Variants in GRM7 observed in about 807,000 individuals in gnomAD.
The protein encoded by GRM7 is glutamate metabotropic receptor 7.
A neutral mutation model predicts 84.5 loss-of-function variants in GRM7; 35 were observed. That is an observed-to-expected ratio of 0.41 (90% CI 0.32 to 0.55). GRM7 has a LOEUF of 0.55. Among genes scored for constraint, GRM7 ranks in the 20% least tolerant of loss-of-function variants. The pLI, the probability that GRM7 is intolerant of heterozygous loss-of-function variation, is 0.19. For synonymous variants in GRM7, 487 were observed against 455.1 expected, an observed-to-expected ratio of 1.07 and a Z score of -0.89; for missense variants, 1,003 against 1,194.6, an observed-to-expected ratio of 0.84 and a Z score of 2.36.
chr3:7,030,686 C>T (rs17046634), intron 1 of GRM7, among the ~76,000 whole-genome samples: 4,462 of 152,058 alleles, frequency 0.029, 240 homozygotes, highest in African/African-American at 0.1. Flanking sequence ...AGAATGCATT[C>T]GTTTGGTGTC....
At chr3:7,093,010 A>G (rs548288673) in intron 1 of GRM7, among the ~76,000 whole-genome samples, 15 of 152,180 alleles carry the variant, frequency 9.9e-5, no homozygotes, top group Non-Finnish European at 1.9e-4. Flanking sequence ...TTGAGCCCAG[A>G]AAGTTAAGGC....
rs1007596071 is a variant in GRM7 at position 6,931,290 on chromosome 3, C to T, written c.519+69383C>T. On this transcript the variant is annotated intron_variant, in intron 1 of 9. Coordinates refer to ENST00000357716, the MANE Select transcript of GRM7 (RefSeq NM_000844.4). The stretch of plus-strand genomic sequence containing the variant: ...TTTGTCTAGCCATAGTGGAGAATGC[C>T]GTGACTTACTAGCAATGTCTGCCCT... Among the ~76,000 whole-genome samples, 83 of 152,094 alleles carry T rather than the reference C, an allele frequency of 5.5e-4. 2 individuals carry two copies. The highest frequency in any genetic ancestry group is 2.1e-4 in the South Asian group (1 of 4,816).
intron 9 of GRM7, among the ~76,000 whole-genome samples, chr3:7,715,913 C>A (rs543503006): frequency 6.6e-6 from 1 of 152,152 alleles, no homozygotes; most frequent in East Asian, 1.9e-4. Context: ...CTGCTCATTT[C>A]CACCTCCTCC....
chr3:7,248,017 G>A (rs903554746), intron 2 of GRM7, among the ~76,000 whole-genome samples: 7 of 152,102 alleles, frequency 4.6e-5, no homozygotes, highest in South Asian at 2.1e-4. Context: ...TACACTTTAC[G>A]GGTGAGAGTG....
At chr3:7,683,396 T>TA (rs1700454939) in intron 9 of GRM7, among the ~76,000 whole-genome samples, 1 of 152,160 alleles carries the variant, frequency 6.6e-6, no homozygotes, top group African/African-American at 2.4e-5. Flanking sequence ...TAAAATAAAA[T>TA]AGAGTCTTTT....
intron 8 of GRM7, among the ~76,000 whole-genome samples, chr3:7,582,353 A>G (rs36104199): frequency 0.092 from 14,005 of 152,178 alleles, 735 homozygotes; most frequent in African/African-American, 0.14. Flanking sequence ...GTTATTGCCT[A>G]AAGAGCTTTC....
At chr3:7,260,672 A>AC (rs1394482268) in intron 2 of GRM7, among the ~76,000 whole-genome samples, 1 of 43,296 alleles carries the variant, frequency 2.3e-5, no homozygotes, top group Non-Finnish European at 5.5e-5. Context: ...GTTCTTTTGA[A>AC]TTGTGTGTGT....
At chr3:7,482,907 C>T (rs1575402326) in intron 7 of GRM7, among the ~76,000 whole-genome samples, 1 of 152,068 alleles carries the variant, frequency 6.6e-6, no homozygotes, top group Admixed American at 6.6e-5. Flanking sequence ...AAATAAATTC[C>T]ACATTCCTTG....
In GRM7 at chr3:7,000,487, G is replaced by A. The variant is rs74546869; in HGVS notation, c.519+138580G>A. On this transcript the variant is annotated intron_variant, in intron 1 of 9. Transcript: ENST00000357716. The stretch of plus-strand genomic sequence containing the variant: ...CAGGCATGAGCCACCTCGCCCGGGC[G>A]AGCATGTGACATTTTTAAAAAGCAC... Among the ~76,000 whole-genome samples, 1,028 of 152,054 alleles carry A rather than the reference G, an allele frequency of 6.8e-3. 10 individuals are homozygous for A. The highest frequency in any genetic ancestry group is 0.023 in the African/African-American group (971 of 41,496).
At chr3:6,927,421 C>A (rs1266231094) in intron 1 of GRM7, among the ~76,000 whole-genome samples, 2 of 139,720 alleles carry the variant, frequency 1.4e-5, no homozygotes, top group African/African-American at 5.3e-5. Context: ...GAGCTAGACT[C>A]TTGTCAGAAA....
chr3:7,392,287 C>T (rs1326277289), intron 4 of GRM7, among the ~76,000 whole-genome samples: 1 of 152,206 alleles, frequency 6.6e-6, no homozygotes, highest in Non-Finnish European at 1.5e-5. Context: ...ACAGAAGAAA[C>T]CTTGGCTTCA....
At chr3:6,918,483 A>G (rs1378304059) in intron 1 of GRM7, among the ~76,000 whole-genome samples, 2 of 152,208 alleles carry the variant, frequency 1.3e-5, no homozygotes, top group African/African-American at 4.8e-5. Flanking sequence ...TCCCAGCTCC[A>G]TCACTTACTA....
chr3:7,600,573 G>A (rs1169997059), intron 8 of GRM7, among the ~76,000 whole-genome samples: 2 of 152,116 alleles, frequency 1.3e-5, no homozygotes, highest in Non-Finnish European at 1.5e-5. Flanking sequence ...AGTTCTGCCT[G>A]TCTACCTGTG....
intron 7 of GRM7, among the ~76,000 whole-genome samples, chr3:7,576,779 C>G (rs1340040199): frequency 6.6e-6 from 1 of 152,202 alleles, no homozygotes; most frequent in Non-Finnish European, 1.5e-5. Context: ...AGACGTAGTA[C>G]ATCTTTTGTG....
intron 8 of GRM7, among the ~76,000 whole-genome samples, chr3:7,675,557 T>C (rs1466572910): frequency 1.3e-5 from 2 of 152,218 alleles, no homozygotes; most frequent in Non-Finnish European, 2.9e-5. Flanking sequence ...AATGAACTAT[T>C]TAGGCCAAGA....
At chr3:7,649,783 T>C (rs1006308634) in intron 8 of GRM7, among the ~76,000 whole-genome samples, 1 of 151,346 alleles carries the variant, frequency 6.6e-6, no homozygotes, top group Admixed American at 6.6e-5. Flanking sequence ...ATGGCCTATA[T>C]AATTTTCCAC....
At chr3:7,516,702 C>A (rs145865370) in intron 7 of GRM7, among the ~76,000 whole-genome samples, 329 of 152,092 alleles carry the variant, frequency 2.2e-3, no homozygotes, top group Non-Finnish European at 3.4e-3. Context: ...GCCTGCTGTT[C>A]CTTTCCAAAT....
intron 1 of GRM7, among the ~76,000 whole-genome samples, chr3:6,974,244 G>A (rs761793403): frequency 3.0e-4 from 45 of 152,198 alleles, no homozygotes; most frequent in Non-Finnish European, 5.9e-4. Context: ...TGGGCCAGTG[G>A]GGGTAGCAAC....
At chr3:7,633,872 C>A (rs1322481235) in intron 8 of GRM7, among the ~76,000 whole-genome samples, 2 of 152,162 alleles carry the variant, frequency 1.3e-5, no homozygotes, top group Non-Finnish European at 2.9e-5. Flanking sequence ...TACATCCCAA[C>A]AGATAGGGAT....
Sources: allele counts gnomAD v4.1 joint callset (sites outside exome capture counted in the v4.1 genomes callset), GRCh38; gene constraint gnomAD v4.1.1; transcripts MANE v1.5; gene names NCBI Gene and HGNC (gene_info 2026-07-23, HGNC 2026-07-21).